PPARGC1A: variants seen among roughly 807,000 people sequenced by gnomAD.
PPARGC1A encodes the protein peroxisome proliferator-activated receptor gamma coactivator 1-alpha.
In PPARGC1A, 25 loss-of-function variants were observed where a neutral mutation model predicts 88.7. The observed-to-expected ratio is 0.28, with a 90% CI of 0.21 to 0.39. The LOEUF (loss-of-function observed/expected upper bound fraction) is 0.39. Ranked by LOEUF, PPARGC1A falls within the 10% of genes least tolerant of loss-of-function variation. PPARGC1A has a pLI of 1.00. For missense variants in PPARGC1A, 880 were observed against 968.7 expected (o/e 0.91, Z 1.22); for synonymous variants, 363 against 355.6 (o/e 1.02, Z -0.24).
At chr4:23,807,562 T>C (rs562166345) in intron 10 of PPARGC1A, among the ~76,000 whole-genome samples, 13 of 152,176 alleles carry the variant, frequency 8.5e-5, no homozygotes, top group Admixed American at 4.6e-4. Context: ...GCATAACTAC[T>C]TTTTAAAAAA....
the PPARGC1A span, among the ~76,000 whole-genome samples, chr4:24,178,570 G>A: frequency 2.0e-5 from 3 of 152,132 alleles, no homozygotes; most frequent in South Asian, 6.2e-4. Flanking sequence ...GTTAACTGTA[G>A]AGAAAAAATA....
At chr4:24,016,013 A>C in the PPARGC1A span, among the ~76,000 whole-genome samples, 1 of 152,304 alleles carries the variant, frequency 6.6e-6, no homozygotes, top group South Asian at 2.1e-4. Flanking sequence ...GACCGTGTGC[A>C]CTTTTGTTTG....
the PPARGC1A span, among the ~76,000 whole-genome samples, chr4:24,002,842 G>A: frequency 1.3e-5 from 2 of 152,174 alleles, no homozygotes; most frequent in African/African-American, 2.4e-5. Context: ...TTTGTTTGCT[G>A]TGACTTGTGC....
the PPARGC1A span, among the ~76,000 whole-genome samples, chr4:24,145,949 G>C: frequency 6.6e-6 from 1 of 152,180 alleles, no homozygotes. Flanking sequence ...GGAGAGGCAG[G>C]TCCCAGGAGT....
chr4:24,342,423 C>T, the PPARGC1A span, among the ~76,000 whole-genome samples: 1 of 152,134 alleles, frequency 6.6e-6, no homozygotes, highest in East Asian at 1.9e-4. Flanking sequence ...GATCACGTTG[C>T]TGACAATTAC....
chr4:24,297,149 CA>C, the PPARGC1A span, among the ~76,000 whole-genome samples: 1 of 152,130 alleles, frequency 6.6e-6, no homozygotes, highest in Non-Finnish European at 1.5e-5. Context: ...TTCTGGGTAT[CA>C]AATCAAGGCT....
At chr4:23,844,647 T>TTATAA (rs58341361) in intron 2 of PPARGC1A, among the ~76,000 whole-genome samples, 73,378 of 94,262 alleles carry the variant, frequency 0.78, 28,883 homozygotes, top group African/African-American at 0.83. Context: ...ATATATCATA[T>TTATAA]TATATGATAT....
chr4:24,182,161 G>A, the PPARGC1A span, among the ~76,000 whole-genome samples: 12 of 152,072 alleles, frequency 7.9e-5, no homozygotes, highest in South Asian at 2.1e-4. Context: ...CTCCCACCCC[G>A]ACAGGCTTCG....
chr4:24,067,156 A>C, the PPARGC1A span, among the ~76,000 whole-genome samples: 1 of 152,142 alleles, frequency 6.6e-6, no homozygotes, highest in African/African-American at 2.4e-5. Flanking sequence ...AAATGATAAA[A>C]ATCTAAATCT....
At chr4:24,092,160 T>C in the PPARGC1A span, among the ~76,000 whole-genome samples, 1 of 152,118 alleles carries the variant, frequency 6.6e-6, no homozygotes, top group Non-Finnish European at 1.5e-5. Flanking sequence ...CTCATTCCCA[T>C]AGTTGAATTC....
chr4:24,448,887 G>T, the PPARGC1A span, among the ~76,000 whole-genome samples: 1 of 152,170 alleles, frequency 6.6e-6, no homozygotes, highest in African/African-American at 2.4e-5. Context: ...CATGAGATCT[G>T]CCTGCTCTTG....
At chr4:24,416,524 C>T in the PPARGC1A span, among the ~76,000 whole-genome samples, 1 of 152,130 alleles carries the variant, frequency 6.6e-6, no homozygotes, top group African/African-American at 2.4e-5. Context: ...CCTGACTGCA[C>T]TTGGCAAGAT....
chr4:24,257,569 T>A, the PPARGC1A span, among the ~76,000 whole-genome samples: 1 of 152,212 alleles, frequency 6.6e-6, no homozygotes, highest in African/African-American at 2.4e-5. Flanking sequence ...CCTGCCCTTT[T>A]GCAGCCTTTG....
the PPARGC1A span, among the ~76,000 whole-genome samples, chr4:24,028,343 G>A: frequency 9.1e-4 from 138 of 152,260 alleles, no homozygotes; most frequent in African/African-American, 3.2e-3. Context: ...TAACTGCATC[G>A]AATCAAATAA....
the PPARGC1A span, among the ~76,000 whole-genome samples, chr4:23,935,391 C>T: frequency 6.6e-6 from 1 of 152,184 alleles, no homozygotes; most frequent in South Asian, 2.1e-4. Context: ...TTTCTTGCTG[C>T]TTACACACTT....
chr4:23,919,856 C>G, the PPARGC1A span, among the ~76,000 whole-genome samples: 1 of 152,116 alleles, frequency 6.6e-6, no homozygotes, highest in Admixed American at 6.6e-5. Context: ...GTGCCTGAAA[C>G]TTGGATCAAA....
the PPARGC1A span, among the ~76,000 whole-genome samples, chr4:24,374,082 G>A: frequency 6.6e-6 from 1 of 152,186 alleles, no homozygotes; most frequent in African/African-American, 2.4e-5. Context: ...ATTTCTAAGA[G>A]GTGATCCCAG....
chr4:24,122,363 A>G, the PPARGC1A span, among the ~76,000 whole-genome samples: 2 of 140,432 alleles, frequency 1.4e-5, no homozygotes, highest in Non-Finnish European at 3.1e-5. Flanking sequence ...CTGTGAGTGT[A>G]TGCGTATGTG....
At chr4:24,177,329 A>G in the PPARGC1A span, among the ~76,000 whole-genome samples, 1 of 152,100 alleles carries the variant, frequency 6.6e-6, no homozygotes, top group African/African-American at 2.4e-5. Flanking sequence ...ACATGGATGA[A>G]GCTGGAAACC....
Sources: allele counts gnomAD v4.1 joint callset (sites outside exome capture counted in the v4.1 genomes callset), GRCh38; gene constraint gnomAD v4.1.1; transcripts MANE v1.5; gene names NCBI Gene and HGNC (gene_info 2026-07-23, HGNC 2026-07-21).